Variants in RORA observed in about 807,000 individuals in gnomAD.
RORA encodes RAR related orphan receptor A, also known as nuclear receptor ROR-alpha.
RORA carries 7 observed loss-of-function variants against 69.5 expected under a neutral mutation model. That is an observed-to-expected ratio of 0.10 (90% confidence interval 0.06 to 0.19). RORA has a LOEUF of 0.19. Among genes scored for constraint, RORA ranks in the 10% least tolerant of loss-of-function variants. The pLI, the probability that RORA is intolerant of heterozygous loss-of-function variation, is 1.00. For synonymous variants in RORA, 261 were observed against 240.8 expected, an observed-to-expected ratio of 1.08 and a Z score of -0.78; for missense variants, 457 against 663.0, an observed-to-expected ratio of 0.69 and a Z score of 3.41.
intron 1 of RORA, among the ~76,000 whole-genome samples, chr15:60,943,899 G>C (rs1052292402): frequency 3.1e-5 from 2 of 64,848 alleles, no homozygotes; most frequent in African/African-American, 1.1e-4. Context: ...ATGGGTGACA[G>C]AGCCAGACTC....
rs1398056556 is a variant in RORA at position 60,964,395 on chromosome 15, G to C, written c.166+264658C>G. Among the ~76,000 whole-genome samples, 4 of 152,142 alleles carry C rather than the reference G, an allele frequency of 2.6e-5. No individual in the cohort carries two copies. In the South Asian group the frequency reaches 8.3e-4, roughly 32 times the overall value. On this transcript the variant is annotated intron_variant, in intron 1 of 10. Coordinates refer to ENST00000335670, the MANE Select transcript of RORA (RefSeq NM_134261.3). ...ATTCGGGTATGGCTGGTGGAAGGTT[G>C]GGGAGGCTCTAGGGTGCTTCCTGGG...
chr15:60,554,676 A>G (rs1001166846), intron 2 of RORA, among the ~76,000 whole-genome samples: 4 of 152,224 alleles, frequency 2.6e-5, no homozygotes, highest in Non-Finnish European at 5.9e-5. Flanking sequence ...GGTGAGAAAC[A>G]TTCAGGATGC....
intron 1 of RORA, among the ~76,000 whole-genome samples, chr15:61,024,358 G>A (rs1208217875): frequency 2.3e-5 from 3 of 132,910 alleles, no homozygotes; most frequent in South Asian, 4.9e-4. Context: ...GTCATAGTTC[G>A]GTGAGGCTTT....
At chr15:61,109,946 G>A (rs896220325) in intron 1 of RORA, among the ~76,000 whole-genome samples, 2 of 152,160 alleles carry the variant, frequency 1.3e-5, no homozygotes, top group African/African-American at 4.8e-5. Context: ...GTCAATAAGG[G>A]ACCAAATATG....
At chr15:60,857,644 C>T (rs1450725600) in intron 1 of RORA, among the ~76,000 whole-genome samples, 1 of 152,138 alleles carries the variant, frequency 6.6e-6, no homozygotes, top group Admixed American at 6.5e-5. Flanking sequence ...CCGCACACGC[C>T]CTGCAAAATG....
chr15:60,734,101 C>T (rs891393930), intron 1 of RORA, among the ~76,000 whole-genome samples: 3 of 152,152 alleles, frequency 2.0e-5, no homozygotes, highest in Non-Finnish European at 4.4e-5. Context: ...TTGAGCTTCT[C>T]AGAAGATGAA....
At chr15:60,851,778 T>A (rs2073327694) in intron 1 of RORA, among the ~76,000 whole-genome samples, 3 of 125,040 alleles carry the variant, frequency 2.4e-5, no homozygotes, top group African/African-American at 8.0e-5. Context: ...GAGAGAGAGA[T>A]TTTTTTTTTT....
At chr15:61,028,620 G>A (rs1158790071) in intron 1 of RORA, among the ~76,000 whole-genome samples, 4 of 152,188 alleles carry the variant, frequency 2.6e-5, no homozygotes, top group Non-Finnish European at 4.4e-5. Flanking sequence ...TGCTAGCAAG[G>A]TGACAGACAC....
At chr15:61,045,811 A>G (rs1896990659) in intron 1 of RORA, among the ~76,000 whole-genome samples, 1 of 152,200 alleles carries the variant, frequency 6.6e-6, no homozygotes, top group South Asian at 2.1e-4. Context: ...TCTCAACACA[A>G]ACGGAATGTC....
At chr15:61,153,092 G>A (rs1447675229) in intron 1 of RORA, among the ~76,000 whole-genome samples, 1 of 152,118 alleles carries the variant, frequency 6.6e-6, no homozygotes, top group African/African-American at 2.4e-5. Flanking sequence ...CAGAAAAAAA[G>A]TCACGAGAGT....
chr15:60,639,366 TTA>T (rs2069900246), intron 2 of RORA, among the ~76,000 whole-genome samples: 1 of 152,098 alleles, frequency 6.6e-6, no homozygotes, highest in Admixed American at 6.6e-5. Flanking sequence ...AGAATAACAC[TTA>T]AAAGCCATCG....
At chr15:61,114,743 C>G (rs930384403) in intron 1 of RORA, among the ~76,000 whole-genome samples, 1 of 152,146 alleles carries the variant, frequency 6.6e-6, no homozygotes, top group African/African-American at 2.4e-5. Flanking sequence ...ATACTTTGTT[C>G]TTGTCATTTC....
intron 1 of RORA, among the ~76,000 whole-genome samples, chr15:60,805,055 T>C (rs1486407731): frequency 6.6e-6 from 1 of 152,108 alleles, no homozygotes; most frequent in African/African-American, 2.4e-5. Flanking sequence ...GGCGTGAAAA[T>C]TGTGAGAATC....
chr15:60,842,041 A>C (rs2073205707), intron 1 of RORA, among the ~76,000 whole-genome samples: 1 of 151,270 alleles, frequency 6.6e-6, no homozygotes, highest in African/African-American at 2.4e-5. Context: ...CTCAAAACAT[A>C]TCTTTGACCC....
intron 1 of RORA, among the ~76,000 whole-genome samples, chr15:61,026,049 T>A (rs1048196329): frequency 3.3e-5 from 5 of 152,136 alleles, no homozygotes; most frequent in Non-Finnish European, 7.4e-5. Context: ...AACATTAAAG[T>A]GGAATATGAA....
chr15:61,118,278 C>T (rs778046522), intron 1 of RORA, among the ~76,000 whole-genome samples: 1 of 152,156 alleles, frequency 6.6e-6, no homozygotes, highest in Non-Finnish European at 1.5e-5. Context: ...TGCCCTGTCT[C>T]TCGGCTTGAC....
At chr15:60,932,156 C>A (rs1190126899) in intron 1 of RORA, among the ~76,000 whole-genome samples, 3 of 151,984 alleles carry the variant, frequency 2.0e-5, no homozygotes, top group Non-Finnish European at 4.4e-5. Flanking sequence ...AGAAAGAATT[C>A]ATGGTATTTG....
chr15:61,140,939 C>A (rs922721257), intron 1 of RORA, among the ~76,000 whole-genome samples: 1 of 152,106 alleles, frequency 6.6e-6, no homozygotes, highest in Admixed American at 6.5e-5. Flanking sequence ...CTGTTGAAAA[C>A]CTTGACAAGC....
At chr15:60,782,666 C>T (rs1295074353) in intron 1 of RORA, among the ~76,000 whole-genome samples, 4 of 152,142 alleles carry the variant, frequency 2.6e-5, no homozygotes, top group Non-Finnish European at 4.4e-5. Flanking sequence ...AGCAAAGTTT[C>T]CCGAAGACAA....
Sources: allele counts gnomAD v4.1 joint callset (sites outside exome capture counted in the v4.1 genomes callset), GRCh38; gene constraint gnomAD v4.1.1; transcripts MANE v1.5; gene names NCBI Gene and HGNC (gene_info 2026-07-23, HGNC 2026-07-21).